The following GTF3C2 variants were observed in gnomAD, a reference collection of about 807,000 sequenced individuals.
GTF3C2 encodes general transcription factor 3C polypeptide 2.
In GTF3C2, 17 loss-of-function variants were observed where a neutral mutation model predicts 117.4. The ratio of observed to expected loss-of-function variants is 0.14; its 90% CI spans 0.10 to 0.22. The LOEUF (loss-of-function observed/expected upper bound fraction) is 0.22, where lower values mean the gene tolerates loss of function less well. GTF3C2 is among the 10% of genes least tolerant of loss of function. The pLI, the probability that GTF3C2 is intolerant of heterozygous loss-of-function variation, is 1.00. For missense variants in GTF3C2, 888 were observed against 1,143.6 expected, an observed-to-expected ratio of 0.78 and a Z score of 3.22; for synonymous variants, 437 against 427.0, an observed-to-expected ratio of 1.02 and a Z score of -0.29.
chr2:27,338,219 T>C (rs1680567058), intron 4 of GTF3C2, 199 bp from the exon 5 acceptor site: 2 of 568,858 alleles, frequency 3.5e-6, no homozygotes. Flanking sequence ...CCATCGAAAA[T>C]GCAAAATCTG....
At chr2:27,347,054 A>C (rs766585845) in intron 1 of GTF3C2, among the ~76,000 whole-genome samples, 8 of 152,258 alleles carry the variant, frequency 5.3e-5, no homozygotes, top group Middle Eastern at 3.4e-3. Context: ...ATTTTCTTCA[A>C]ACCCCAAAAA....
intron 1 of GTF3C2, among the ~76,000 whole-genome samples, chr2:27,351,560 C>T (rs1681141508): frequency 6.6e-6 from 1 of 152,208 alleles, no homozygotes; most frequent in Non-Finnish European, 1.5e-5. Flanking sequence ...AGGAGAGCCG[C>T]TTCTCTAGCT....
Position 27,327,169 on chromosome 2 carries a change from G to C in GTF3C2, c.2517+8C>G, listed in dbSNP as rs770212777. The C allele has an allele frequency of 2.1e-6, 3 of 1,457,086 alleles. No homozygotes were observed. The highest frequency in any genetic ancestry group is 2.8e-5 in the African/African-American group (2 of 71,846). The allele number at this position is 1,457,086 out of a possible 1,614,324, so 90.3% of individuals were successfully genotyped here. A position where few individuals can be genotyped will look rare whatever the true frequency, so the allele number is the denominator to read the frequency against. The stretch of plus-strand genomic sequence containing the variant: ...TGAGAGTGGAGGGTGGAGAGGATGA[G>C]AGACTACCTTATGAATAGCCTCCAG... On this transcript the variant is annotated splice_region_variant and intron_variant, in intron 18 of 18. Transcript: ENST00000264720.
intron 1 of GTF3C2, chr2:27,350,389 G>A (rs1681088354): frequency 4.1e-6 from 4 of 983,876 alleles, no homozygotes; most frequent in African/African-American, 1.7e-5. Context: ...GCACACTCAA[G>A]CTGAAAAACA....
At chr2:27,350,511 T>A in intron 1 of GTF3C2, 1 of 985,632 alleles carries the variant, frequency 1.0e-6, no homozygotes, top group Non-Finnish European at 1.2e-6. Context: ...TCAAGAATCA[T>A]GTGCTGGGCT....
chr2:27,334,074 C>A, intron 10 of GTF3C2, 75 bp from the exon 11 acceptor site: 1 of 1,081,522 alleles, frequency 9.2e-7, no homozygotes, highest in Non-Finnish European at 1.4e-6. Flanking sequence ...CACCCAGGCC[C>A]GAGTGCAGTG....
chr2:27,326,000 T>G, exon 19 of GTF3C2: 1 of 251,102 alleles, frequency 4.0e-6, no homozygotes, highest in Non-Finnish European at 8.1e-6. Context: ...CTCTCTGACT[T>G]GATATAAAGG....
intron 10 of GTF3C2, among the ~76,000 whole-genome samples, chr2:27,335,069 G>A (rs1680411443): frequency 6.6e-6 from 1 of 152,158 alleles, no homozygotes; most frequent in South Asian, 2.1e-4. Flanking sequence ...CAGCCTGGGT[G>A]CCCTCTTCTT....
chr2:27,337,604 C>A, intron 5 of GTF3C2, 46 bp from the exon 6 acceptor site: 1 of 1,249,192 alleles, frequency 8.0e-7, no homozygotes, highest in Non-Finnish European at 1.2e-6. Context: ...GATTCTACAG[C>A]CGCACAGTCC....
At chr2:27,351,559 G>A (rs73921512) in intron 1 of GTF3C2, among the ~76,000 whole-genome samples, 8,725 of 152,258 alleles carry the variant, frequency 0.057, 341 homozygotes, top group African/African-American at 0.11. Context: ...TAGGAGAGCC[G>A]CTTCTCTAGC....
At chr2:27,338,439 C>T (rs953644546) in intron 4 of GTF3C2, among the ~76,000 whole-genome samples, 3 of 110,992 alleles carry the variant, frequency 2.7e-5, no homozygotes, top group African/African-American at 1.4e-4. Flanking sequence ...CCCCTCTACA[C>T]AGGCGCGCAC....
At chr2:27,352,164 G>A (rs756826084) in intron 1 of GTF3C2, among the ~76,000 whole-genome samples, 5 of 151,944 alleles carry the variant, frequency 3.3e-5, no homozygotes, top group Non-Finnish European at 5.9e-5. Context: ...TCAGATTCTC[G>A]CTGATATTCA....
chr2:27,341,628 C>G (rs1474167238), intron 4 of GTF3C2: 1 of 247,400 alleles, frequency 4.0e-6, no homozygotes. Context: ...CTTTATATGC[C>G]TAAATCATTT....
exon 4 of GTF3C2, chr2:27,342,187 G>A (rs1680761583): frequency 6.2e-7 from 1 of 1,613,894 alleles, no homozygotes; most frequent in African/African-American, 1.3e-5. Flanking sequence ...GGGGCAGGCA[G>A]GGCTGTTGAG....
intron 7 of GTF3C2, 100 bp from the exon 8 acceptor site, chr2:27,336,525 A>G (rs1444810575): frequency 2.9e-6 from 2 of 683,104 alleles, no homozygotes; most frequent in Admixed American, 2.7e-5. Context: ...TGGCTCAAGC[A>G]AGAGCCTGAA....
In GTF3C2 at chr2:27,329,066, T is replaced by A. The variant is rs1680191180; in HGVS notation, c.2039+55A>T. 17 of 1,569,024 alleles carry A rather than the reference T, an allele frequency of 1.1e-5. No individual in the cohort carries two copies. In the South Asian group the frequency reaches 1.7e-4, roughly 15 times the overall value. On this transcript the variant is annotated intron_variant, in intron 14 of 18. Transcript: ENST00000264720. This position sits in a 1 kb window ranked among gnomAD's most constrained non-coding sequence, Gnocchi z 4.5. ...CTCCCCACAACAATCTGGCATGCTTTGCATTCCAACCCTTAGGGCCTGTCC... is the reference window on the plus strand; with the variant it reads ...CTCCCCACAACAATCTGGCATGCTTAGCATTCCAACCCTTAGGGCCTGTCC...
chr2:27,350,347 G>C, intron 1 of GTF3C2: 1 of 900,924 alleles, frequency 1.1e-6, no homozygotes, highest in Non-Finnish European at 1.3e-6. Context: ...CCAGCACCTT[G>C]TGTTTTAACA....
chr2:27,334,096 G>T, intron 10 of GTF3C2, 97 bp from the exon 11 acceptor site: 1 of 837,064 alleles, frequency 1.2e-6, no homozygotes, highest in Non-Finnish European at 2.1e-6. Context: ...CATGATCATG[G>T]CTCACTGCAG....
chr2:27,327,998 T>G, intron 17 of GTF3C2, 39 bp downstream of exon 17: 1 of 1,561,994 alleles, frequency 6.4e-7, no homozygotes, highest in Non-Finnish European at 8.7e-7. Context: ...GTTTTCTACC[T>G]TTTCTAATAC....
Sources: gnomAD v4.1 joint callset for allele counts (sites outside exome capture counted in the v4.1 genomes callset) on GRCh38, gnomAD v4.1.1 for gene constraint, Gnocchi (gnomAD v3.1) non-coding constraint, MANE v1.5 for transcripts, NCBI Gene and HGNC (gene_info 2026-07-23, HGNC 2026-07-21) for gene names.